Variants in LGALS16 observed in about 807,000 individuals in gnomAD.
LGALS16 encodes galectin 16.
In LGALS16, 15 loss-of-function variants were observed where a neutral mutation model predicts 13.2. The observed-to-expected ratio is 1.13, with a 90% CI of 0.76 to 1.75. LGALS16 has a LOEUF of 1.75. Among genes scored for constraint, LGALS16 ranks in the 40% most tolerant of loss-of-function variants. The pLI, the probability that LGALS16 is intolerant of heterozygous loss-of-function variation, is 0.00. For synonymous variants in LGALS16, 66 were observed against 65.4 expected (o/e 1.01, Z -0.05); for missense variants, 198 against 178.4 (o/e 1.11, Z -0.63).
chr19:39,658,103 G>C, intron 2 of LGALS16, 144 bp downstream of exon 2: 2 of 954,186 alleles, frequency 2.1e-6, no homozygotes, highest in Non-Finnish European at 3.2e-6. Context: ...AGACCCTCCA[G>C]CACCAGGCAT....
At chr19:39,658,182 A>G (rs924181503) in intron 2 of LGALS16, among the ~76,000 whole-genome samples, 2 of 152,134 alleles carry the variant, frequency 1.3e-5, no homozygotes, top group Non-Finnish European at 2.9e-5. Context: ...GTGGGTTGGG[A>G]CTGTGGCTCT....
At chr19:39,658,188 GCT>G (rs1206056212) in intron 2 of LGALS16, among the ~76,000 whole-genome samples, 2 of 152,182 alleles carry the variant, frequency 1.3e-5, no homozygotes, top group Admixed American at 1.3e-4. Flanking sequence ...TGGGACTGTG[GCT>G]CTTTATCAAG....
At chr19:39,656,973 A>C (rs1325413863) in intron 1 of LGALS16, among the ~76,000 whole-genome samples, 1 of 151,966 alleles carries the variant, frequency 6.6e-6, no homozygotes, top group Non-Finnish European at 1.5e-5. Context: ...GATATTAATC[A>C]ACAAAGCAGC....
intron 1 of LGALS16, 119 bp from the exon 2 acceptor site, chr19:39,657,764 G>A (rs1207070447): frequency 1.8e-6 from 2 of 1,086,898 alleles, no homozygotes; most frequent in East Asian, 2.4e-5. Flanking sequence ...TAGAGTGAAT[G>A]GGGAGAGTCC....
At chr19:39,658,824 T>G (rs1050754882) in intron 3 of LGALS16, among the ~76,000 whole-genome samples, 154 bp downstream of exon 3, 2 of 152,152 alleles carry the variant, frequency 1.3e-5, no homozygotes, top group African/African-American at 4.8e-5. Flanking sequence ...CTGCTTGCAC[T>G]GCCGTCCTCA....
At position 39,658,628 on chromosome 19, in the gene LGALS16, A is replaced by G; in HGVS notation, c.261A>G (p.Lys87=). Reference sequence around the variant, plus strand: ...ACTATGTGCCCTTTGAGGATGGCAAACCATTTGACTTGCGCATCTACGTGT... The same window carrying G: ...ACTATGTGCCCTTTGAGGATGGCAAGCCATTTGACTTGCGCATCTACGTGT... ...NLHYVPFEDG[K]PFDLRIYVCH... is the part of the protein sequence containing the mutation. The change falls in exon 3 of 4, where the codon AAA becomes AAG. Residue 87 remains lysine, a synonymous_variant. Transcript: ENST00000392051. 6.2e-7 allele frequency: 1 copy of G among 1,600,062 alleles called. No homozygotes were observed. Among genetic ancestry groups the G allele is most frequent in the Non-Finnish European group, 8.5e-7 (1 of 1,176,058 alleles).
At chr19:39,656,038 G>A in intron 1 of LGALS16, 62 bp downstream of exon 1, 1 of 1,548,382 alleles carries the variant, frequency 6.5e-7, no homozygotes, top group Non-Finnish European at 8.9e-7. Flanking sequence ...AAAGATGTGG[G>A]GTATTTTATG....
intron 3 of LGALS16, 34 bp from the exon 4 acceptor site, chr19:39,660,361 A>G: frequency 1.3e-6 from 2 of 1,538,916 alleles, no homozygotes; most frequent in Non-Finnish European, 1.7e-6. Flanking sequence ...GTTGGGTGGC[A>G]TACTGTCTTT....
rs1973191109 is a variant in LGALS16, at chr19:39,656,036, G to A, written c.15+60G>A. 4 of 1,566,028 alleles carry A rather than the reference G, an allele frequency of 2.6e-6. No individual in the cohort carries two copies. In the African/African-American group the frequency reaches 4.1e-5, roughly 16 times the overall value. ...AGTCACACAAAACCAAGAAAGATGT[G>A]GGGTATTTTATGAGATGAAAATATG... On this transcript the variant is annotated intron_variant, in intron 1 of 3. Coordinates refer to ENST00000392051, the MANE Select transcript of LGALS16 (RefSeq NM_001190441.3).
chr19:39,659,102 CTTTT>C (rs74178093), intron 3 of LGALS16, among the ~76,000 whole-genome samples: 1 of 140,804 alleles, frequency 7.1e-6, no homozygotes. Context: ...AATCCTTTTT[CTTTT>C]TTTTTTTTTT....
intron 3 of LGALS16, among the ~76,000 whole-genome samples, chr19:39,659,378 C>T (rs1293093622): frequency 6.6e-6 from 1 of 152,114 alleles, no homozygotes. Flanking sequence ...CCGTGCCAAC[C>T]CCTTCAGAGG....
At chr19:39,658,405 T>A in intron 2 of LGALS16, 55 bp from the exon 3 acceptor site, 3 of 1,379,578 alleles carry the variant, frequency 2.2e-6, no homozygotes, top group Non-Finnish European at 3.0e-6. Context: ...GCGTGTCAAG[T>A]GTGTGTCTGT....
At chr19:39,656,372 T>C (rs539738190) in intron 1 of LGALS16, among the ~76,000 whole-genome samples, 1 of 152,288 alleles carries the variant, frequency 6.6e-6, no homozygotes, top group Admixed American at 6.5e-5. Flanking sequence ...CATCTTTATG[T>C]GCGCAGTGAG....
chr19:39,656,126 G>A (rs747136143), intron 1 of LGALS16, 150 bp downstream of exon 1: 23 of 805,440 alleles, frequency 2.9e-5, no homozygotes, highest in Non-Finnish European at 4.2e-5. Context: ...ACTGAGGCTG[G>A]GTATCTGAGA....
At chr19:39,660,250 T>C (rs1009329299) in intron 3 of LGALS16, 145 bp from the exon 4 acceptor site, 13 of 733,748 alleles carry the variant, frequency 1.8e-5, no homozygotes, top group East Asian at 2.8e-5. Flanking sequence ...AAATGTCATC[T>C]GTAAACAGAA....
At position 39,660,450 on chromosome 19, in the gene LGALS16, A is replaced by G. The variant is rs771410982; in HGVS notation, c.359A>G (p.Tyr120Cys). ...TTTGTCCATCGAATCCCGCCATCATATGTGAAGATGATTCAAGTGTGGAGA... is the reference window on the plus strand; with the variant it reads ...TTTGTCCATCGAATCCCGCCATCATGTGTGAAGATGATTCAAGTGTGGAGA... ...YAFVHRIPPS[Y>C]VKMIQVWRDV... Residue 120 changes from tyrosine to cysteine, a missense_variant, in exon 4 of 4, where the codon TAT (tyrosine) becomes TGT (cysteine). Coordinates refer to ENST00000392051, the MANE Select transcript of LGALS16 (RefSeq NM_001190441.3). The G allele has an allele frequency of 6.5e-7, 1 of 1,541,776 alleles. No homozygotes were observed. Among genetic ancestry groups the G allele is most frequent in the Non-Finnish European group, 8.7e-7 (1 of 1,147,726 alleles).
intron 3 of LGALS16, 62 bp downstream of exon 3, chr19:39,658,732 C>G (rs1319520051): frequency 9.1e-7 from 1 of 1,097,632 alleles, no homozygotes; most frequent in Non-Finnish European, 1.3e-6. Context: ...GGAGTCAGCT[C>G]TCATTGACCT....
In LGALS16 at chr19:39,658,519, C is replaced by T; in HGVS notation, c.152C>T (p.Ala51Val). Residue 51 changes from alanine (A) to valine (V), a missense_variant, in exon 3 of 4, where the codon GCC (alanine) becomes GTC (valine). Ala to Val is a moderately conservative substitution (Grantham distance 64). Transcript: ENST00000392051. Reference protein sequence around the residue: ...YTEMNEDSEIAFHLRVHLGRR... With the variant: ...YTEMNEDSEIVFHLRVHLGRR... ...GAGATGAATGAGGACTCAGAAATTGCCTTCCATTTGCGAGTGCACTTAGGC... is the reference window on the plus strand; with the variant it reads ...GAGATGAATGAGGACTCAGAAATTGTCTTCCATTTGCGAGTGCACTTAGGC... The T allele has an allele frequency of 1.2e-6, 2 of 1,607,198 alleles. No individual in the cohort carries two copies. Among genetic ancestry groups the T allele is most frequent in the Non-Finnish European group, 1.7e-6 (2 of 1,178,348 alleles).
chr19:39,658,080 G>A (rs1357742594), intron 2 of LGALS16, 121 bp downstream of exon 2: 3 of 1,207,720 alleles, frequency 2.5e-6, no homozygotes, highest in East Asian at 2.4e-5. Flanking sequence ...CCCCATGCAG[G>A]TGCAGGTCCT....
Sources: gnomAD v4.1 joint callset for allele counts (sites outside exome capture counted in the v4.1 genomes callset) on GRCh38, gnomAD v4.1.1 for gene constraint, MANE v1.5 for transcripts, NCBI Gene and HGNC (gene_info 2026-07-23, HGNC 2026-07-21) for gene names.